The following WWOX variants were observed in gnomAD, a reference collection of about 807,000 sequenced individuals.
WWOX encodes the protein WW domain-containing oxidoreductase.
WWOX carries 69 observed loss-of-function variants against 46.2 expected under a neutral mutation model. The observed-to-expected ratio is 1.49, with a 90% confidence interval of 1.23 to 1.82. WWOX has a LOEUF of 1.82. WWOX is among the 40% of genes most tolerant of loss of function. The pLI is 0.00. For synonymous variants in WWOX, 359 were observed against 202.6 expected (o/e 1.77, Z -6.56); for missense variants, 919 against 542.6 (o/e 1.69, Z -6.89).
In WWOX at chr16:78,786,989, A is replaced by G. The variant is rs8057919; in HGVS notation, c.1056+354237A>G. On this transcript the variant is annotated intron_variant, in intron 8 of 8. Coordinates refer to ENST00000566780, the MANE Select transcript of WWOX (RefSeq NM_016373.4). The stretch of plus-strand genomic sequence containing the variant: ...ATGATGAAACCCTGTCTCTACTAAA[A>G]ATACACAAATTAGCCAGGTGTGGTG... 5.8e-3 allele frequency among the ~76,000 whole-genome samples: 890 copies of G among 152,246 alleles called. 12 individuals carry two copies. The highest frequency in any genetic ancestry group is 0.021 in the African/African-American group (854 of 41,534).
At chr16:79,166,872 G>T (rs922745164) in intron 8 of WWOX, among the ~76,000 whole-genome samples, 11 of 152,142 alleles carry the variant, frequency 7.2e-5, no homozygotes, top group Admixed American at 7.2e-4. Flanking sequence ...TAGTGAACTT[G>T]CTTATTTGTT....
At chr16:78,404,240 T>C (rs1324515957) in intron 6 of WWOX, among the ~76,000 whole-genome samples, 1 of 152,176 alleles carries the variant, frequency 6.6e-6, no homozygotes, top group Non-Finnish European at 1.5e-5. Flanking sequence ...GATCTTAGTG[T>C]GATGAAAGAT....
intron 8 of WWOX, among the ~76,000 whole-genome samples, chr16:78,446,564 A>G (rs938300730): frequency 2.0e-5 from 3 of 151,916 alleles, no homozygotes; most frequent in Non-Finnish European, 2.9e-5. Flanking sequence ...ATTATAATTA[A>G]TATTATAATT....
intron 4 of WWOX, among the ~76,000 whole-genome samples, chr16:78,150,642 C>A (rs2034373273): frequency 6.6e-6 from 1 of 152,030 alleles, no homozygotes; most frequent in African/African-American, 2.4e-5. Flanking sequence ...CTCGGCCTCC[C>A]AAAGTGCTGA....
rs183491666 is a variant in WWOX at position 78,641,171 on chromosome 16, C to A, written c.1056+208419C>A. ...CTCTTCCTTGGATTTCAAAATGACC[C>A]CCGTTGACAACAAAGCCTTTCACGC... On this transcript the variant is annotated intron_variant, in intron 8 of 8. Coordinates refer to ENST00000566780, the MANE Select transcript of WWOX (RefSeq NM_016373.4). Among the ~76,000 whole-genome samples the A allele has an allele frequency of 1.1e-4, 16 of 152,098 alleles. 1 individual carries two copies. The East Asian group carries it at 2.3e-3, about 22-fold the overall frequency.
At chr16:78,656,063 C>A (rs1289645629) in intron 8 of WWOX, among the ~76,000 whole-genome samples, 1 of 152,152 alleles carries the variant, frequency 6.6e-6, no homozygotes, top group African/African-American at 2.4e-5. Context: ...GTGGGTTATT[C>A]TTCTCTCTTT....
intron 8 of WWOX, among the ~76,000 whole-genome samples, chr16:78,682,025 T>C (rs1361466555): frequency 6.6e-6 from 1 of 152,172 alleles, no homozygotes; most frequent in African/African-American, 2.4e-5. Context: ...GTCTTTTCAT[T>C]TGTAAAGAGT....
intron 6 of WWOX, among the ~76,000 whole-genome samples, chr16:78,397,871 A>G (rs1259554310): frequency 3.3e-5 from 5 of 152,208 alleles, no homozygotes; most frequent in East Asian, 1.9e-4. Flanking sequence ...TTGCTGGAAT[A>G]TGTGTAAAGG....
chr16:78,474,784 C>A (rs913704012), intron 8 of WWOX, among the ~76,000 whole-genome samples: 2 of 152,138 alleles, frequency 1.3e-5, no homozygotes, highest in African/African-American at 4.8e-5. Context: ...CTCTTCATCT[C>A]CATGCGTTTG....
intron 8 of WWOX, among the ~76,000 whole-genome samples, chr16:78,532,351 G>T (rs921522894): frequency 1.3e-5 from 2 of 152,012 alleles, no homozygotes; most frequent in Non-Finnish European, 2.9e-5. Flanking sequence ...TTGCTTTGTG[G>T]CTTTAGACCA....
intron 8 of WWOX, among the ~76,000 whole-genome samples, chr16:78,941,534 C>G (rs977209205): frequency 6.6e-6 from 1 of 151,498 alleles, no homozygotes; most frequent in African/African-American, 2.4e-5. Flanking sequence ...CTGTATGAAG[C>G]TGGGGACGGG....
At chr16:78,509,383 G>C (rs974707919) in intron 8 of WWOX, among the ~76,000 whole-genome samples, 26 of 151,680 alleles carry the variant, frequency 1.7e-4, no homozygotes, top group African/African-American at 6.3e-4. Context: ...AGGCTGCAGT[G>C]AGCTGAGTTT....
chr16:78,110,137 C>G (rs188270933), intron 3 of WWOX, among the ~76,000 whole-genome samples: 1 of 151,658 alleles, frequency 6.6e-6, no homozygotes, highest in Non-Finnish European at 1.5e-5. Context: ...GTCAAGAGAT[C>G]GAGACCATTC....
chr16:78,417,635 T>G (rs2082829394), intron 6 of WWOX, among the ~76,000 whole-genome samples: 1 of 152,140 alleles, frequency 6.6e-6, no homozygotes, highest in Non-Finnish European at 1.5e-5. Flanking sequence ...CCCCGCAAGG[T>G]TTTTAGCAGT....
intron 8 of WWOX, among the ~76,000 whole-genome samples, chr16:78,833,372 G>A (rs1354412964): frequency 1.3e-5 from 2 of 151,966 alleles, no homozygotes; most frequent in African/African-American, 4.8e-5. Flanking sequence ...CCTGCATACA[G>A]CTTGTTTCTC....
intron 5 of WWOX, among the ~76,000 whole-genome samples, chr16:78,335,085 TGAATCA>T (rs1381259222): frequency 6.6e-6 from 1 of 152,166 alleles, no homozygotes; most frequent in African/African-American, 2.4e-5. Context: ...CCACACATAA[TGAATCA>T]GAAGCTTGTG....
At chr16:78,963,182 T>G (rs764703464) in intron 8 of WWOX, among the ~76,000 whole-genome samples, 1 of 152,172 alleles carries the variant, frequency 6.6e-6, no homozygotes, top group Non-Finnish European at 1.5e-5. Flanking sequence ...TCAAAATAAG[T>G]TGTAGGTCAG....
chr16:78,863,181 C>G (rs1018576245), intron 8 of WWOX, among the ~76,000 whole-genome samples: 2 of 152,244 alleles, frequency 1.3e-5, no homozygotes, highest in African/African-American at 2.4e-5. Context: ...TGGTCTCAAA[C>G]TCCTGACCTC....
chr16:78,963,218 C>T (rs945908210), intron 8 of WWOX, among the ~76,000 whole-genome samples: 4 of 152,094 alleles, frequency 2.6e-5, no homozygotes, highest in African/African-American at 9.7e-5. Flanking sequence ...CCTGTAATAC[C>T]AGCATTTTGA....
Sources: gnomAD v4.1 joint callset for allele counts (sites outside exome capture counted in the v4.1 genomes callset) on GRCh38, gnomAD v4.1.1 for gene constraint, MANE v1.5 for transcripts, NCBI Gene and HGNC (gene_info 2026-07-23, HGNC 2026-07-21) for gene names.